The following PALS1 variants were observed in gnomAD, a reference collection of about 807,000 sequenced individuals.
PALS1 encodes the protein protein PALS1.
Under a neutral mutation model 78.9 loss-of-function variants are expected in PALS1, and 31 were observed. That is an observed-to-expected ratio of 0.39 (90% CI 0.30 to 0.53). The LOEUF (loss-of-function observed/expected upper bound fraction) is 0.53, where lower values mean the gene tolerates loss of function less well. Ranked by LOEUF, PALS1 falls within the 20% of genes least tolerant of loss-of-function variation. PALS1 has a pLI of 0.67. For missense variants in PALS1, 704 were observed against 826.5 expected (o/e 0.85, Z 1.82); for synonymous variants, 276 against 270.9 (o/e 1.02, Z -0.18).
intron 2 of PALS1, chr14:67,270,228 G>GC (rs1454558710): frequency 6.6e-6 from 1 of 151,988 alleles, no homozygotes; most frequent in African/African-American, 2.4e-5. Flanking sequence ...GCTTCCCATT[G>GC]CCCCCTTCTC....
At chr14:67,254,675 T>C (rs10140963) in intron 1 of PALS1, among the ~76,000 whole-genome samples, 3,114 of 152,350 alleles carry the variant, frequency 0.02, 103 homozygotes, top group African/African-American at 0.071. Context: ...CTGATAACTC[T>C]GAAATGGTTA....
intron 3 of PALS1, 105 bp from the exon 4 acceptor site, chr14:67,292,406 C>T: frequency 1.3e-6 from 1 of 749,466 alleles, no homozygotes; most frequent in Non-Finnish European, 2.2e-6. Context: ...TGGTATTTTT[C>T]TGAAAACTTA....
At chr14:67,291,016 C>A (rs2084763688) in intron 3 of PALS1, among the ~76,000 whole-genome samples, 1 of 151,984 alleles carries the variant, frequency 6.6e-6, no homozygotes, top group Non-Finnish European at 1.5e-5. Context: ...TAATGACCTA[C>A]AAGAAGAAGT....
chr14:67,312,676 C>A lies in PALS1; in HGVS notation c.1191C>A (p.Asp397Glu), dbSNP rs761960631. The A allele has an allele frequency of 4.3e-6, 7 of 1,610,592 alleles. No homozygotes were observed. In the South Asian group the frequency reaches 7.7e-5, roughly 18 times the overall value. Reference protein sequence around the residue: ...PNWWQAYREGDEDNQPLAGLV... With the variant: ...PNWWQAYREGEEDNQPLAGLV... ...GGTGGCAGGCCTACAGGGAAGGGGA[C>A]GAAGATAATCAACCTCTAGCCGGGC... The change falls in exon 9 of 15, where the codon GAC becomes GAA. Residue 397 changes from aspartate to glutamate, a missense_variant. Transcript: ENST00000261681.
At position 67,323,716 on chromosome 14, in the gene PALS1, C is replaced by G; in HGVS notation, c.1755C>G (p.Leu585=). ...TCTCTTTACAGTCATTGAAGACTCT[C>G]CGGAATTCAGATTTGAAACCATATA... ...LSLRTQSLKT[L]RNSDLKPYII... Residue 585 remains leucine (L), a synonymous_variant, in exon 14 of 15, where the codon CTC becomes CTG. Coordinates refer to ENST00000261681, the MANE Select transcript of PALS1 (RefSeq NM_022474.4). The G allele has an allele frequency of 6.3e-7, 1 of 1,577,228 alleles. No individual in the cohort carries two copies. The highest frequency in any genetic ancestry group is 2.3e-5 in the East Asian group (1 of 43,416).
At chr14:67,295,715 T>C (rs891333694) in intron 4 of PALS1, among the ~76,000 whole-genome samples, 2 of 152,214 alleles carry the variant, frequency 1.3e-5, no homozygotes, top group African/African-American at 4.8e-5. Flanking sequence ...CTGTCAGTAT[T>C]GTTTGTGAAC....
intron 3 of PALS1, among the ~76,000 whole-genome samples, chr14:67,286,855 CAAAAAAAAAAAAAAAAA>C (rs201923149): frequency 1.5e-5 from 1 of 67,228 alleles, no homozygotes; most frequent in South Asian, 4.7e-4. Flanking sequence ...GACCTGGTCT[CAAAAAAAAAAAAAAAAA>C]AAGAAAAAAA....
intron 2 of PALS1, among the ~76,000 whole-genome samples, chr14:67,273,264 C>T (rs571194579): frequency 1.4e-4 from 21 of 151,962 alleles, no homozygotes; most frequent in Admixed American, 2.6e-4. Context: ...TATCGCTCCC[C>T]CCTCCCACCT....
At chr14:67,243,886 C>G (rs1343200694) in intron 1 of PALS1, among the ~76,000 whole-genome samples, 1 of 152,136 alleles carries the variant, frequency 6.6e-6, no homozygotes, top group Non-Finnish European at 1.5e-5. Context: ...TCTTCATTTT[C>G]CATGAAAAAG....
At chr14:67,305,957 A>G (rs76010702) in intron 8 of PALS1, among the ~76,000 whole-genome samples, 6,358 of 152,252 alleles carry the variant, frequency 0.042, 804 homozygotes, top group East Asian at 0.41. Context: ...TGCCACATCT[A>G]TCCCTTTTAA....
At chr14:67,273,842 T>C (rs1358106640) in intron 2 of PALS1, among the ~76,000 whole-genome samples, 1 of 152,212 alleles carries the variant, frequency 6.6e-6, no homozygotes, top group African/African-American at 2.4e-5. Flanking sequence ...TATCTCATTG[T>C]GGTTTTGTTT....
chr14:67,242,042 C>G (rs1339291655), intron 1 of PALS1: 1 of 152,228 alleles, frequency 6.6e-6, no homozygotes, highest in Non-Finnish European at 1.5e-5. Context: ...TTCCTTGTGA[C>G]CACTTTAAAA....
At position 67,302,239 on chromosome 14, in the gene PALS1, A is replaced by G. The variant is rs2084941779; in HGVS notation, c.801+121A>G. On this transcript the variant is annotated intron_variant, in intron 6 of 14. Coordinates refer to ENST00000261681, the MANE Select transcript of PALS1 (RefSeq NM_022474.4). ...ATTTCTGAAGCAGAAAGTGTGGGGG[A>G]AATGGTCAACTTTTAAATCTAATTA... 5.8e-6 allele frequency: 7 copies of G among 1,216,154 alleles called. No individual in the cohort carries two copies. The South Asian group carries it at 8.7e-5, about 15-fold the overall frequency. The allele number at this position is 1,216,154 out of a possible 1,614,324, so 75.3% of individuals were successfully genotyped here. A position where few individuals can be genotyped will look rare whatever the true frequency, so the allele number is the denominator to read the frequency against.
intron 4 of PALS1, among the ~76,000 whole-genome samples, chr14:67,298,038 A>T (rs1566560135): frequency 6.6e-6 from 1 of 152,146 alleles, no homozygotes; most frequent in Non-Finnish European, 1.5e-5. Context: ...CAAGCAGTTT[A>T]ATGCTGAATC....
At position 67,302,388 on chromosome 14, in the gene PALS1, TTATACA is replaced by T. The variant is rs1240355320; in HGVS notation, c.802-17_802-12del. 1 of 1,369,766 alleles carries T rather than the reference TTATACA, an allele frequency of 7.3e-7. No individual in the cohort carries two copies. Among genetic ancestry groups the T allele is most frequent in the African/African-American group, 1.5e-5 (1 of 65,430 alleles). The allele number at this position is 1,369,766 out of a possible 1,614,324, so 84.9% of individuals were successfully genotyped here. A position where few individuals can be genotyped will look rare whatever the true frequency, so the allele number is the denominator to read the frequency against. ...AAATTGTATTATTTTTATTTTTAAATTATACATATATATATTTTTAGGGTGCTACAG... is the reference window on the plus strand; with the variant it reads ...AAATTGTATTATTTTTATTTTTAAATTATATATATTTTTAGGGTGCTACAG... On this transcript the variant is annotated splice_polypyrimidine_tract_variant and intron_variant, in intron 6 of 14. Transcript: ENST00000261681.
rs1178959281 is a variant in PALS1, at chr14:67,301,963, T to G, written c.655-9T>G. On this transcript the variant is annotated splice_polypyrimidine_tract_variant and intron_variant, in intron 5 of 14. Coordinates refer to ENST00000261681, the MANE Select transcript of PALS1 (RefSeq NM_022474.4). ...GTTACTTAAAATGCCATGGATTTCT[T>G]TGAAACAGGCACTTTTACTGGCCCA... is the stretch of plus-strand genomic sequence containing the variant. 1 of 1,580,822 alleles carries G rather than the reference T, an allele frequency of 6.3e-7. No homozygotes were observed. The highest frequency in any genetic ancestry group is 8.6e-7 in the Non-Finnish European group (1 of 1,168,528).
chr14:67,305,991 T>C (rs1249485335), intron 8 of PALS1, among the ~76,000 whole-genome samples: 1 of 151,850 alleles, frequency 6.6e-6, no homozygotes, highest in East Asian at 1.9e-4. Context: ...CTGTTCTTTT[T>C]ACTTGGAGTC....
chr14:67,275,083 C>G (rs543633138), intron 2 of PALS1, among the ~76,000 whole-genome samples: 29 of 152,308 alleles, frequency 1.9e-4, no homozygotes, highest in African/African-American at 6.7e-4. Flanking sequence ...AATTTGACTT[C>G]CTCTTTTCCT....
intron 1 of PALS1, among the ~76,000 whole-genome samples, chr14:67,268,023 TC>T (rs1828036461): frequency 6.6e-6 from 1 of 152,208 alleles, no homozygotes; most frequent in Admixed American, 6.5e-5. Context: ...TTAATATTGC[TC>T]CTATGCATAC....
Sources: allele counts gnomAD v4.1 joint callset (sites outside exome capture counted in the v4.1 genomes callset), GRCh38; gene constraint gnomAD v4.1.1; transcripts MANE v1.5; gene names NCBI Gene and HGNC (gene_info 2026-07-23, HGNC 2026-07-21).